The following GRAMD1C variants were observed in gnomAD, a reference collection of about 807,000 sequenced individuals.
The protein encoded by GRAMD1C is GRAM domain containing 1C, also known as protein Aster-C.
Under a neutral mutation model 97.8 loss-of-function variants are expected in GRAMD1C, and 89 were observed. That is an observed-to-expected ratio of 0.91 (90% CI 0.77 to 1.09). GRAMD1C has a LOEUF of 1.09. GRAMD1C is among the 50% of genes least tolerant of loss of function. The pLI is 0.00. For missense variants in GRAMD1C, 740 were observed against 766.4 expected (o/e 0.97, Z 0.41); for synonymous variants, 256 against 267.0 (o/e 0.96, Z 0.40).
At chr3:113,899,241 G>A (rs553255924) in intron 6 of GRAMD1C, among the ~76,000 whole-genome samples, 10 of 152,090 alleles carry the variant, frequency 6.6e-5, no homozygotes, top group East Asian at 5.8e-4. Flanking sequence ...GTTGGTTTCC[G>A]TCTCTTCAAC....
chr3:113,928,637 C>A (rs1030355783), intron 10 of GRAMD1C, among the ~76,000 whole-genome samples: 1 of 152,180 alleles, frequency 6.6e-6, no homozygotes, highest in Non-Finnish European at 1.5e-5. Flanking sequence ...CGCTCCATTT[C>A]TTCCATTGTT....
At chr3:113,879,074 G>A (rs1935164873) in intron 5 of GRAMD1C, among the ~76,000 whole-genome samples, 2 of 151,978 alleles carry the variant, frequency 1.3e-5, no homozygotes. Flanking sequence ...GCATGGTGGT[G>A]CACACCTGTA....
intron 1 of GRAMD1C, among the ~76,000 whole-genome samples, chr3:113,830,303 G>A (rs746959024): frequency 2.6e-5 from 4 of 152,174 alleles, no homozygotes; most frequent in Non-Finnish European, 5.9e-5. Flanking sequence ...CCTCCCTGTT[G>A]AACATGCCTG....
intron 1 of GRAMD1C, chr3:113,828,362 C>A (rs1199497588): frequency 4.6e-5 from 7 of 152,178 alleles, no homozygotes; most frequent in African/African-American, 1.4e-4. Flanking sequence ...TAAGGGCAAC[C>A]TCTGAAAGCC....
At chr3:113,842,435 C>T (rs952649710) in intron 1 of GRAMD1C, among the ~76,000 whole-genome samples, 4 of 152,080 alleles carry the variant, frequency 2.6e-5, no homozygotes, top group Admixed American at 2.0e-4. Context: ...AGTTTATGGA[C>T]TTCAGTTTCA....
chr3:113,832,053 A>G (rs1019590576), intron 1 of GRAMD1C, among the ~76,000 whole-genome samples: 1 of 148,256 alleles, frequency 6.7e-6, no homozygotes, highest in Non-Finnish European at 1.5e-5. Context: ...TTTTTGAGAC[A>G]GAGTCTTACT....
chr3:113,940,422 A>G, intron 17 of GRAMD1C, 77 bp downstream of exon 17: 1 of 820,790 alleles, frequency 1.2e-6, no homozygotes, highest in Admixed American at 2.0e-5. Flanking sequence ...GTATGAGAGA[A>G]TATTTACCCT....
chr3:113,907,321 A>G (rs1577190610), intron 8 of GRAMD1C, among the ~76,000 whole-genome samples: 1 of 152,222 alleles, frequency 6.6e-6, no homozygotes, highest in South Asian at 2.1e-4. Context: ...TTTACCAGTC[A>G]TGCATCTACC....
At chr3:113,903,791 A>G (rs904104355) in intron 7 of GRAMD1C, among the ~76,000 whole-genome samples, 9 of 151,662 alleles carry the variant, frequency 5.9e-5, no homozygotes, top group Admixed American at 4.0e-4. Context: ...ATCTAACTCA[A>G]ACATCTACTC....
intron 6 of GRAMD1C, among the ~76,000 whole-genome samples, chr3:113,897,185 G>C (rs929960908): frequency 4.6e-5 from 7 of 152,062 alleles, no homozygotes; most frequent in African/African-American, 1.4e-4. Context: ...GGAATACTAC[G>C]TCAGTACTAG....
intron 6 of GRAMD1C, among the ~76,000 whole-genome samples, chr3:113,883,393 C>T (rs567745464): frequency 4.9e-4 from 74 of 152,046 alleles, no homozygotes; most frequent in African/African-American, 1.7e-3. Flanking sequence ...GGTGTGGTGA[C>T]GCTTACCTGT....
At chr3:113,848,383 T>C (rs1278815488) in intron 2 of GRAMD1C, among the ~76,000 whole-genome samples, 1 of 152,240 alleles carries the variant, frequency 6.6e-6, no homozygotes, top group Non-Finnish European at 1.5e-5. Flanking sequence ...AAGACTAATT[T>C]AAATAATAAG....
chr3:113,936,467 A>T (rs1376048375), intron 14 of GRAMD1C, 25 bp downstream of exon 14: 1 of 1,497,602 alleles, frequency 6.7e-7, no homozygotes, highest in Non-Finnish European at 9.2e-7. Context: ...GTAAACAGAG[A>T]TGAAAGATTT....
rs143734581 is a variant in GRAMD1C at position 113,897,737 on chromosome 3, T to C, written c.541-3294T>C. 1.9e-5 allele frequency: 19 copies of C among 984,758 alleles called. No individual in the cohort carries two copies. In the East Asian group the frequency reaches 1.9e-3, roughly 100 times the overall value. 61.0% of individuals were successfully genotyped at this position (984,758 alleles called of 1,614,324 possible). On this transcript the variant is annotated intron_variant, in intron 6 of 17. Coordinates refer to ENST00000358160, the MANE Select transcript of GRAMD1C (RefSeq NM_017577.5). Reference sequence around the variant, plus strand: ...GATCTTCTGACTTTTGAGCCTTATCTGATTACTGCTTGGTTCATCTTTATT... The same window carrying C: ...GATCTTCTGACTTTTGAGCCTTATCCGATTACTGCTTGGTTCATCTTTATT...
At chr3:113,937,755 AG>A (rs1310520058) in intron 14 of GRAMD1C, among the ~76,000 whole-genome samples, 1 of 152,256 alleles carries the variant, frequency 6.6e-6, no homozygotes, top group African/African-American at 2.4e-5. Context: ...CTGTAATCCC[AG>A]CACTTTGAAA....
At chr3:113,860,097 C>T (rs921735895) in intron 2 of GRAMD1C, among the ~76,000 whole-genome samples, 1 of 152,270 alleles carries the variant, frequency 6.6e-6, no homozygotes, top group South Asian at 2.1e-4. Context: ...TCTTGACTCA[C>T]TGCAACCTCT....
intron 8 of GRAMD1C, among the ~76,000 whole-genome samples, chr3:113,906,954 T>C (rs1175370900): frequency 1.3e-5 from 2 of 152,222 alleles, no homozygotes; most frequent in Non-Finnish European, 2.9e-5. Context: ...TCCAGGTTTA[T>C]AGACCAGGAG....
At chr3:113,939,397 T>TC (rs966847127) in intron 15 of GRAMD1C, 2 of 151,706 alleles carry the variant, frequency 1.3e-5, no homozygotes, top group African/African-American at 2.4e-5. Flanking sequence ...TGGTAATTTT[T>TC]TTTTTTTTCT....
At chr3:113,943,676 G>A (rs952537867) in intron 17 of GRAMD1C, among the ~76,000 whole-genome samples, 1 of 152,196 alleles carries the variant, frequency 6.6e-6, no homozygotes. Context: ...CACTTTGGGA[G>A]GCCAAGGCAG....
Sources: gnomAD v4.1 joint callset for allele counts (sites outside exome capture counted in the v4.1 genomes callset) on GRCh38, gnomAD v4.1.1 for gene constraint, MANE v1.5 for transcripts, NCBI Gene and HGNC (gene_info 2026-07-23, HGNC 2026-07-21) for gene names.